The following SGTB variants were observed in gnomAD, a reference collection of about 807,000 sequenced individuals.
The protein encoded by SGTB is small glutamine-rich tetratricopeptide repeat-containing protein beta.
A neutral mutation model predicts 43.9 loss-of-function variants in SGTB; 19 were observed. That is an observed-to-expected ratio of 0.43 (90% CI 0.30 to 0.63). The LOEUF is 0.63. Ranked by LOEUF, SGTB falls within the 30% of genes least tolerant of loss-of-function variation. The pLI is 0.12. For missense variants in SGTB, 304 were observed against 358.9 expected (o/e 0.85, Z 1.24); for synonymous variants, 116 against 117.3 (o/e 0.99, Z 0.07).
intron 5 of SGTB, among the ~76,000 whole-genome samples, chr5:65,703,575 C>T (rs1010166291): frequency 2.0e-5 from 3 of 151,846 alleles, no homozygotes; most frequent in Non-Finnish European, 2.9e-5. Flanking sequence ...AAAAATTAGC[C>T]AGGCATGGTG....
At chr5:65,705,529 CTG>C (rs1414650411) in intron 4 of SGTB, among the ~76,000 whole-genome samples, 6 of 152,118 alleles carry the variant, frequency 3.9e-5, no homozygotes, top group African/African-American at 1.2e-4. Context: ...TCAAAGGTAT[CTG>C]TGATTCTTTC....
intron 8 of SGTB, among the ~76,000 whole-genome samples, chr5:65,674,239 A>C (rs1757220797): frequency 6.6e-6 from 1 of 152,156 alleles, no homozygotes; most frequent in South Asian, 2.1e-4. Context: ...TTCTTTGAAA[A>C]GGGTAATTTA....
chr5:65,684,342 C>T (rs964026073), intron 6 of SGTB, among the ~76,000 whole-genome samples: 2 of 151,992 alleles, frequency 1.3e-5, no homozygotes, highest in Non-Finnish European at 2.9e-5. Flanking sequence ...CCTTGGCCTC[C>T]CAAAATGCTG....
intron 4 of SGTB, among the ~76,000 whole-genome samples, chr5:65,705,457 A>G (rs1484996575): frequency 6.6e-6 from 1 of 152,150 alleles, no homozygotes; most frequent in Admixed American, 6.5e-5. Flanking sequence ...TGTCTTTAAA[A>G]AAAAAGAAAA....
At chr5:65,701,249 G>A (rs549644701) in intron 5 of SGTB, among the ~76,000 whole-genome samples, 2 of 152,148 alleles carry the variant, frequency 1.3e-5, no homozygotes, top group East Asian at 3.9e-4. Context: ...ATTGGATCAA[G>A]TTAACTTAAA....
intron 3 of SGTB, among the ~76,000 whole-genome samples, chr5:65,711,247 G>A (rs1436298704): frequency 2.6e-5 from 4 of 151,950 alleles, no homozygotes; most frequent in African/African-American, 9.7e-5. Context: ...GTATTTTAAC[G>A]ATAGTGAGCA....
At position 65,668,366 on chromosome 5, in the gene SGTB, T is replaced by G; in HGVS notation, c.*1880A>C. On this transcript the variant is annotated 3_prime_UTR_variant, in exon 11 of 11. Coordinates refer to ENST00000381007, the MANE Select transcript of SGTB (RefSeq NM_019072.3). ...GGCTCACACCTCTAATCCCAGCACT[T>G]TGAGGGGCCAAGATGGGCAGATCAC... is the stretch of plus-strand genomic sequence containing the variant. 6.6e-6 allele frequency: 1 copy of G among 152,364 alleles called. No individual in the cohort carries two copies. The highest frequency in any genetic ancestry group is 1.5e-5 in the Non-Finnish European group (1 of 68,230). The allele number at this position is 152,364 out of a possible 1,614,324, so 9.4% of individuals were successfully genotyped here. A position where few individuals can be genotyped will look rare whatever the true frequency, so the allele number is the denominator to read the frequency against.
At chr5:65,721,441 G>C (rs1579894368) in intron 1 of SGTB, among the ~76,000 whole-genome samples, 1 of 152,188 alleles carries the variant, frequency 6.6e-6, no homozygotes, top group East Asian at 1.9e-4. Flanking sequence ...TGCAGAGGCT[G>C]TGCTCTCGTG....
chr5:65,718,222 G>T (rs1758187507), intron 2 of SGTB, among the ~76,000 whole-genome samples: 1 of 152,004 alleles, frequency 6.6e-6, no homozygotes, highest in African/African-American at 2.4e-5. Context: ...TTCTTGTCAG[G>T]GGCTGTCCTG....
chr5:65,705,877 A>C (rs1041761689), intron 4 of SGTB, among the ~76,000 whole-genome samples: 11 of 151,786 alleles, frequency 7.2e-5, no homozygotes, highest in Middle Eastern at 3.4e-3. Flanking sequence ...AAAAAAAAAA[A>C]AACACAAAAA....
intron 3 of SGTB, among the ~76,000 whole-genome samples, chr5:65,709,524 G>A (rs1405114117): frequency 6.6e-6 from 1 of 151,718 alleles, no homozygotes; most frequent in African/African-American, 2.4e-5. Context: ...GACTACAGGT[G>A]CATGCCACCA....
intron 6 of SGTB, among the ~76,000 whole-genome samples, chr5:65,683,967 G>C (rs191659827): frequency 1.7e-4 from 26 of 151,694 alleles, no homozygotes; most frequent in African/African-American, 6.0e-4. Context: ...AAGAAAAAAA[G>C]AGATGACAAA....
intron 4 of SGTB, among the ~76,000 whole-genome samples, chr5:65,707,227 C>G (rs1757948984): frequency 6.6e-6 from 1 of 151,888 alleles, no homozygotes; most frequent in Non-Finnish European, 1.5e-5. Flanking sequence ...CCTGCCACTG[C>G]ACTCCAGCCG....
intron 8 of SGTB, among the ~76,000 whole-genome samples, chr5:65,673,125 G>C (rs773022936): frequency 5.9e-5 from 9 of 152,222 alleles, no homozygotes; most frequent in Non-Finnish European, 1.0e-4. Flanking sequence ...ATTTAGAACA[G>C]ATCTATGCTT....
chr5:65,669,496 T>G lies in SGTB; in HGVS notation c.*750A>C, dbSNP rs1475240645. 1 of 152,234 alleles carries G rather than the reference T, an allele frequency of 6.6e-6. No homozygotes were observed. The highest frequency in any genetic ancestry group is 1.9e-4 in the East Asian group (1 of 5,204). 9.4% of individuals were successfully genotyped at this position (152,234 alleles called of 1,614,324 possible). On this transcript the variant is annotated 3_prime_UTR_variant, in exon 11 of 11. Coordinates refer to ENST00000381007, the MANE Select transcript of SGTB (RefSeq NM_019072.3). ...TTCTAAATGTATCTTATTGTGTATT[T>G]AGCATAAGTGGCCATGCTAATATTA... is the stretch of plus-strand genomic sequence containing the variant.
intron 5 of SGTB, among the ~76,000 whole-genome samples, chr5:65,701,958 C>T (rs527897296): frequency 5.9e-5 from 9 of 152,276 alleles, no homozygotes; most frequent in South Asian, 2.1e-4. Flanking sequence ...TTGATTTAGA[C>T]ATTAAAAATT....
chr5:65,712,065 AAAAC>A (rs1403889521), intron 3 of SGTB, among the ~76,000 whole-genome samples: 3 of 152,198 alleles, frequency 2.0e-5, no homozygotes, highest in Non-Finnish European at 4.4e-5. Context: ...CCTAGGCAAC[AAAAC>A]AAACAAAGAC....
intron 5 of SGTB, among the ~76,000 whole-genome samples, chr5:65,701,840 A>G (rs1379145601): frequency 6.6e-6 from 1 of 152,100 alleles, no homozygotes; most frequent in Non-Finnish European, 1.5e-5. Flanking sequence ...TCACTGTGTT[A>G]GCCAGGATGG....
At chr5:65,707,513 C>A (rs1327261593) in intron 4 of SGTB, among the ~76,000 whole-genome samples, 2 of 151,004 alleles carry the variant, frequency 1.3e-5, no homozygotes, top group African/African-American at 2.4e-5. Context: ...CGGCTCACTG[C>A]AACCTCCGCC....
Sources: allele counts gnomAD v4.1 joint callset (sites outside exome capture counted in the v4.1 genomes callset), GRCh38; gene constraint gnomAD v4.1.1; transcripts MANE v1.5; gene names NCBI Gene and HGNC (gene_info 2026-07-23, HGNC 2026-07-21).